The following NDST3 variants were observed in gnomAD, a reference collection of about 807,000 sequenced individuals.
NDST3 encodes the protein bifunctional heparan sulfate N-deacetylase/N-sulfotransferase 3.
A neutral mutation model predicts 96.1 loss-of-function variants in NDST3; 58 were observed. That is an observed-to-expected ratio of 0.60 (90% CI 0.49 to 0.75). NDST3 has a LOEUF of 0.75. Among genes scored for constraint, NDST3 ranks in the 30% least tolerant of loss-of-function variants. The probability of loss-of-function intolerance (pLI) is 0.00; values close to 1 mark genes in which losing one functional copy is unlikely to be tolerated. For synonymous variants in NDST3, 333 were observed against 359.7 expected (o/e 0.93, Z 0.84); for missense variants, 788 against 1,034.2 (o/e 0.76, Z 3.27).
intron 6 of NDST3, among the ~76,000 whole-genome samples, chr4:118,210,581 T>A (rs1290038745): frequency 6.6e-6 from 1 of 151,786 alleles, no homozygotes; most frequent in Admixed American, 6.6e-5. Context: ...ATTGAGACCA[T>A]CCTGGCCAAC....
At chr4:118,231,190 G>C (rs906868727) in intron 8 of NDST3, among the ~76,000 whole-genome samples, 1 of 151,850 alleles carries the variant, frequency 6.6e-6, no homozygotes, top group Non-Finnish European at 1.5e-5. Flanking sequence ...ACAAAAATTA[G>C]CTGGGCATGG....
intron 4 of NDST3, 24 bp from the exon 5 acceptor site, chr4:118,138,030 C>T: frequency 6.4e-7 from 1 of 1,556,806 alleles, no homozygotes. Context: ...TTACACGCTC[C>T]AATTAACATT....
chr4:118,109,393 T>C (rs1236658445), intron 3 of NDST3, among the ~76,000 whole-genome samples: 1 of 152,178 alleles, frequency 6.6e-6, no homozygotes, highest in Non-Finnish European at 1.5e-5. Flanking sequence ...AAAACACTCC[T>C]GGCAACTCCA....
chr4:118,193,571 A>T, intron 6 of NDST3: 1 of 1,103,948 alleles, frequency 9.1e-7, no homozygotes, highest in Non-Finnish European at 1.4e-6. Context: ...CTCCCAGGCA[A>T]GCTGCCTGCA....
At chr4:118,122,244 G>T (rs1731653888) in intron 4 of NDST3, among the ~76,000 whole-genome samples, 1 of 152,126 alleles carries the variant, frequency 6.6e-6, no homozygotes, top group African/African-American at 2.4e-5. Context: ...GAGGGTGGGG[G>T]AGGTCTATTT....
At chr4:118,184,642 CAT>C (rs1553941345) in intron 6 of NDST3, among the ~76,000 whole-genome samples, 4 of 150,640 alleles carry the variant, frequency 2.7e-5, no homozygotes, top group East Asian at 3.9e-4. Flanking sequence ...CACACACACA[CAT>C]ATTCTCTGTC....
Position 118,066,354 on chromosome 4 carries a change from TC to T in NDST3, c.981+11464del, listed in dbSNP as rs1560618473. On this transcript the variant is annotated intron_variant, in intron 2 of 13. Coordinates refer to ENST00000296499, the MANE Select transcript of NDST3 (RefSeq NM_004784.3). ...TATTATATATATTATATATCATATA[TC>T]ATATGTTATATATTATATATCATAT... Among the ~76,000 whole-genome samples, 2 of 78,982 alleles carry T rather than the reference TC, an allele frequency of 2.5e-5. 1 individual carries two copies. The highest frequency in any genetic ancestry group is 1.2e-4 in the African/African-American group (2 of 16,178). 51.8% of individuals were successfully genotyped at this position (78,982 alleles called of 152,430 possible).
At chr4:118,134,458 A>T (rs1308931381) in intron 4 of NDST3, among the ~76,000 whole-genome samples, 1 of 152,198 alleles carries the variant, frequency 6.6e-6, no homozygotes, top group African/African-American at 2.4e-5. Flanking sequence ...CTATGCCAAA[A>T]GGCAATGGGA....
intron 2 of NDST3, among the ~76,000 whole-genome samples, chr4:118,088,614 A>T (rs1728621295): frequency 6.6e-6 from 1 of 152,062 alleles, no homozygotes; most frequent in Admixed American, 6.6e-5. Context: ...AACCCATAGT[A>T]GCAAGCTTGT....
At chr4:118,191,771 T>C (rs566579040) in intron 6 of NDST3, among the ~76,000 whole-genome samples, 1 of 152,340 alleles carries the variant, frequency 6.6e-6, no homozygotes, top group South Asian at 2.1e-4. Context: ...TTGACTATTG[T>C]CACCTTGCTG....
At chr4:118,102,800 A>C (rs1729869670) in intron 2 of NDST3, among the ~76,000 whole-genome samples, 1 of 152,114 alleles carries the variant, frequency 6.6e-6, no homozygotes, top group Admixed American at 6.6e-5. Context: ...GACAAATATC[A>C]CTGTTTATCT....
chr4:118,239,758 T>G (rs1740894784), intron 10 of NDST3, among the ~76,000 whole-genome samples: 1 of 152,144 alleles, frequency 6.6e-6, no homozygotes, highest in Non-Finnish European at 1.5e-5. Flanking sequence ...GATTTGAATC[T>G]CAATTGCAGA....
intron 6 of NDST3, among the ~76,000 whole-genome samples, chr4:118,223,626 A>T (rs1270762213): frequency 1.3e-5 from 2 of 152,048 alleles, no homozygotes; most frequent in African/African-American, 4.8e-5. Flanking sequence ...GTTAAATATT[A>T]ACATAACTTT....
intron 6 of NDST3, among the ~76,000 whole-genome samples, chr4:118,207,396 T>C (rs1367301851): frequency 6.9e-6 from 1 of 144,888 alleles, no homozygotes; most frequent in Non-Finnish European, 1.5e-5. Flanking sequence ...TGTTATGGCA[T>C]GAAGCAGATG....
At chr4:118,051,580 A>C (rs1725080463) in intron 1 of NDST3, among the ~76,000 whole-genome samples, 1 of 152,086 alleles carries the variant, frequency 6.6e-6, no homozygotes, top group Admixed American at 6.6e-5. Context: ...AACCCCCTTT[A>C]AAAACAGGCA....
chr4:118,130,492 T>A (rs1051379794), intron 4 of NDST3, among the ~76,000 whole-genome samples: 1 of 152,170 alleles, frequency 6.6e-6, no homozygotes, highest in African/African-American at 2.4e-5. Context: ...TTTTTTGTTG[T>A]TCCTTATGTC....
chr4:118,048,601 TCAAAC>T (rs764036315), intron 1 of NDST3, among the ~76,000 whole-genome samples: 1 of 151,984 alleles, frequency 6.6e-6, no homozygotes, highest in Non-Finnish European at 1.5e-5. Context: ...AAAACAAACT[TCAAAC>T]CAATAAAAAT....
At chr4:118,126,243 A>C (rs1732050187) in intron 4 of NDST3, among the ~76,000 whole-genome samples, 1 of 151,952 alleles carries the variant, frequency 6.6e-6, no homozygotes, top group African/African-American at 2.4e-5. Context: ...TGTGCTCATT[A>C]ATCATGCCCA....
chr4:118,252,642 G>A (rs1741820265), intron 12 of NDST3, among the ~76,000 whole-genome samples: 1 of 152,168 alleles, frequency 6.6e-6, no homozygotes, highest in Non-Finnish European at 1.5e-5. Flanking sequence ...TGTAATCCCA[G>A]CACTTTGGGA....
Sources: allele counts gnomAD v4.1 joint callset (sites outside exome capture counted in the v4.1 genomes callset), GRCh38; gene constraint gnomAD v4.1.1; transcripts MANE v1.5; gene names NCBI Gene and HGNC (gene_info 2026-07-23, HGNC 2026-07-21).